The following SLC2A9 variants were observed in gnomAD, a reference collection of about 807,000 sequenced individuals.
SLC2A9 encodes solute carrier family 2, facilitated glucose transporter member 9.
A neutral mutation model predicts 50.6 loss-of-function variants in SLC2A9; 39 were observed. The ratio of observed to expected loss-of-function variants is 0.77; its 90% CI spans 0.60 to 1.01. The LOEUF (loss-of-function observed/expected upper bound fraction) is 1.01. SLC2A9 is among the 50% of genes least tolerant of loss of function. The pLI is 0.00. For synonymous variants in SLC2A9, 324 were observed against 276.9 expected (o/e 1.17, Z -1.69); for missense variants, 686 against 677.6 (o/e 1.01, Z -0.14).
chr4:9,850,179 G>T (rs1163865138), intron 10 of SLC2A9, among the ~76,000 whole-genome samples: 1 of 152,144 alleles, frequency 6.6e-6, no homozygotes, highest in African/African-American at 2.4e-5. Context: ...GGGAAGGGAT[G>T]AGTTGAACAG....
intron 11 of SLC2A9, among the ~76,000 whole-genome samples, chr4:9,831,250 T>C (rs912061902): frequency 1.3e-5 from 2 of 152,166 alleles, no homozygotes; most frequent in African/African-American, 4.8e-5. Context: ...TCCTAAGCCC[T>C]AGCACCTCAG....
At chr4:9,879,444 G>A (rs965981792) in intron 10 of SLC2A9, 8 of 985,168 alleles carry the variant, frequency 8.1e-6, no homozygotes, top group African/African-American at 5.2e-5. Flanking sequence ...GGCTCCAGAT[G>A]GCTGCAGTGC....
intron 6 of SLC2A9, among the ~76,000 whole-genome samples, chr4:9,927,644 G>A (rs1197835177): frequency 6.6e-6 from 1 of 152,204 alleles, no homozygotes; most frequent in Non-Finnish European, 1.5e-5. Context: ...GGAAGTCATT[G>A]GGTTTTTAAC....
intron 5 of SLC2A9, among the ~76,000 whole-genome samples, chr4:9,957,170 T>G (rs1450610325): frequency 6.6e-6 from 1 of 151,906 alleles, no homozygotes; most frequent in Admixed American, 6.6e-5. Flanking sequence ...CCACAGTCAT[T>G]CCAGGCTTGG....
intron 6 of SLC2A9, among the ~76,000 whole-genome samples, chr4:9,934,170 A>G (rs1393049796): frequency 1.3e-5 from 2 of 152,202 alleles, no homozygotes; most frequent in African/African-American, 2.4e-5. Context: ...ACACTAGCAT[A>G]TAAGAGGAAC....
At chr4:9,985,091 T>C in intron 4 of SLC2A9, among the ~76,000 whole-genome samples, 1 of 152,158 alleles carries the variant, frequency 6.6e-6, no homozygotes, top group East Asian at 1.9e-4. Context: ...TCTTCCCTGA[T>C]TGGCCTTTCT....
chr4:9,781,788 T>C (rs536560116), intron 3 of SLC2A9: 103 of 420,608 alleles, frequency 2.4e-4, no homozygotes, highest in African/African-American at 1.8e-3. Context: ...CACCAGCCGC[T>C]TCCTGTCCCC....
chr4:10,019,728 A>AG (rs1202883405), intron 1 of SLC2A9, among the ~76,000 whole-genome samples: 1 of 152,254 alleles, frequency 6.6e-6, no homozygotes, highest in Non-Finnish European at 1.5e-5. Context: ...TTCCAGTCTG[A>AG]GGCGTCAAAC....
chr4:9,954,576 T>C (rs1289608792), intron 5 of SLC2A9, among the ~76,000 whole-genome samples: 5 of 152,168 alleles, frequency 3.3e-5, no homozygotes, highest in African/African-American at 1.2e-4. Context: ...TTCTCCCTCT[T>C]CCTCTGGATC....
At chr4:9,921,922 TG>T (rs1292950556) in intron 6 of SLC2A9, among the ~76,000 whole-genome samples, 74 of 152,218 alleles carry the variant, frequency 4.9e-4, no homozygotes, top group African/African-American at 1.7e-3. Context: ...TCATAACCTA[TG>T]TTTTTTTTTT....
intron 8 of SLC2A9, among the ~76,000 whole-genome samples, chr4:9,906,668 G>C (rs1293025175): frequency 6.6e-6 from 1 of 152,110 alleles, no homozygotes; most frequent in Admixed American, 6.5e-5. Context: ...TTACAAATTT[G>C]CCCTAATGAG....
chr4:9,956,447 T>G (rs1229761823), intron 5 of SLC2A9, among the ~76,000 whole-genome samples: 1 of 151,526 alleles, frequency 6.6e-6, no homozygotes, highest in African/African-American at 2.4e-5. Flanking sequence ...GCCACTACAC[T>G]CCAGCCTGGA....
At chr4:9,998,691 G>C (rs1207558726) in intron 2 of SLC2A9, among the ~76,000 whole-genome samples, 1 of 152,164 alleles carries the variant, frequency 6.6e-6, no homozygotes, top group South Asian at 2.1e-4. Flanking sequence ...TAGGATATAT[G>C]TACTCAGATG....
At chr4:9,840,663 T>C (rs1244829534) in intron 10 of SLC2A9, among the ~76,000 whole-genome samples, 1 of 152,178 alleles carries the variant, frequency 6.6e-6, no homozygotes, top group African/African-American at 2.4e-5. Context: ...TATTTGTCTT[T>C]TAGGTGTTTG....
chr4:9,946,194 G>T (rs1174386829), intron 5 of SLC2A9, among the ~76,000 whole-genome samples: 2 of 151,582 alleles, frequency 1.3e-5, no homozygotes, highest in East Asian at 3.9e-4. Context: ...GTCAGCCAAG[G>T]TGATTTTTAA....
upstream of SLC2A9, chr4:10,025,858 G>T (rs367719584): frequency 2.2e-4 from 353 of 1,588,824 alleles, 1 homozygote; most frequent in African/African-American, 4.5e-3. Flanking sequence ...CCCCCTGGGT[G>T]ACCGGAATAA....
chr4:9,945,895 C>A (rs1344727779), intron 5 of SLC2A9, among the ~76,000 whole-genome samples: 1 of 152,232 alleles, frequency 6.6e-6, no homozygotes, highest in East Asian at 1.9e-4. Flanking sequence ...AAAGGGCTTT[C>A]CTACACACTG....
intron 3 of SLC2A9, chr4:9,792,691 C>G (rs922866421): frequency 3.9e-5 from 6 of 152,322 alleles, no homozygotes; most frequent in Admixed American, 1.3e-4. Flanking sequence ...ACACATGTGC[C>G]CAAGATGCAA....
intron 3 of SLC2A9, among the ~76,000 whole-genome samples, chr4:9,790,899 T>C (rs1375169570): frequency 6.6e-6 from 1 of 152,232 alleles, no homozygotes; most frequent in Non-Finnish European, 1.5e-5. Context: ...TGCTACAATA[T>C]TAAATGGGCT....
Sources: gnomAD v4.1 joint callset for allele counts (sites outside exome capture counted in the v4.1 genomes callset) on GRCh38, gnomAD v4.1.1 for gene constraint, MANE v1.5 for transcripts, NCBI Gene and HGNC (gene_info 2026-07-23, HGNC 2026-07-21) for gene names.